CLIP4: variants seen among roughly 807,000 people sequenced by gnomAD.
CLIP4 encodes CAP-Gly domain-containing linker protein 4.
In CLIP4, 47 loss-of-function variants were observed where a neutral mutation model predicts 73.1. The ratio of observed to expected loss-of-function variants is 0.64; its 90% confidence interval spans 0.51 to 0.82. CLIP4 has a LOEUF of 0.82. CLIP4 is among the 40% of genes least tolerant of loss of function. The probability of loss-of-function intolerance (pLI) is 0.00; values close to 1 mark genes in which losing one functional copy is unlikely to be tolerated. For synonymous variants in CLIP4, 306 were observed against 295.4 expected (o/e 1.04, Z -0.37); for missense variants, 874 against 852.9 (o/e 1.02, Z -0.31).
At position 29,125,556 on chromosome 2, in the gene CLIP4, TCTTA is replaced by T. The variant is rs533430604; in HGVS notation, c.133+4040_133+4043del. On this transcript the variant is annotated intron_variant, in intron 2 of 15. Transcript: ENST00000320081. Reference sequence around the variant, plus strand: ...TCTCTTCAACTCAGCGAGTCCAGACTCTTACTTAGCTCTGTCTCCTCAACTCAGC... The same window carrying T: ...TCTCTTCAACTCAGCGAGTCCAGACTCTTAGCTCTGTCTCCTCAACTCAGC... Among the ~76,000 whole-genome samples, 619 of 152,200 alleles carry T rather than the reference TCTTA, an allele frequency of 4.1e-3. 2 individuals carry two copies. Among genetic ancestry groups the T allele is most frequent in the Non-Finnish European group, 6.1e-3 (414 of 67,998 alleles).
intron 14 of CLIP4, among the ~76,000 whole-genome samples, chr2:29,171,337 A>T (rs755064396): frequency 1.3e-5 from 2 of 152,136 alleles, no homozygotes; most frequent in Non-Finnish European, 2.9e-5. Context: ...ATACCTATGT[A>T]TTTAATTGTT....
At chr2:29,107,358 G>GTTTTTTTTTGTTTTTTTTTT (rs1558504865) in intron 1 of CLIP4, among the ~76,000 whole-genome samples, 1 of 65,352 alleles carries the variant, frequency 1.5e-5, no homozygotes, top group Non-Finnish European at 3.0e-5. Flanking sequence ...GAACATGATA[G>GTTTTTTTTTGTTTTTTTTTT]TTTTTTTTTT....
chr2:29,157,432 A>G (rs1216513873), intron 11 of CLIP4, 85 bp downstream of exon 11: 13 of 1,606,980 alleles, frequency 8.1e-6, no homozygotes, highest in Non-Finnish European at 1.1e-5. Flanking sequence ...TTAAATGTGT[A>G]GAAGGAACCC....
intron 12 of CLIP4, 103 bp downstream of exon 12, chr2:29,160,570 A>G (rs528721076): frequency 7.4e-7 from 1 of 1,342,396 alleles, no homozygotes; most frequent in African/African-American, 1.5e-5. Flanking sequence ...CTTGATGAAC[A>G]GTTTTTGTGG....
At chr2:29,103,026 G>A (rs1415590127) in intron 1 of CLIP4, among the ~76,000 whole-genome samples, 3 of 152,034 alleles carry the variant, frequency 2.0e-5, no homozygotes, top group Admixed American at 6.5e-5. Flanking sequence ...ATTTCAAGAT[G>A]TTCCCTCTCA....
upstream of CLIP4, among the ~76,000 whole-genome samples, chr2:29,111,162 G>T (rs75675840): frequency 6.6e-6 from 1 of 152,156 alleles, no homozygotes; most frequent in Non-Finnish European, 1.5e-5. Flanking sequence ...AGCACTGCCA[G>T]GTTGATCTGC....
chr2:29,107,628 C>G (rs1254440258), intron 1 of CLIP4, among the ~76,000 whole-genome samples: 1 of 151,854 alleles, frequency 6.6e-6, no homozygotes, highest in African/African-American at 2.4e-5. Flanking sequence ...CCTGCCTCAA[C>G]CTCCCAAAGT....
chr2:29,114,843 T>C (rs1357689030), upstream of CLIP4: 2 of 152,270 alleles, frequency 1.3e-5, no homozygotes, highest in Non-Finnish European at 2.9e-5. Flanking sequence ...ATGGTCTTAC[T>C]AGGTCTCCTC....
chr2:29,168,814 G>A (rs1014249972), intron 14 of CLIP4, among the ~76,000 whole-genome samples: 23 of 151,884 alleles, frequency 1.5e-4, no homozygotes, highest in African/African-American at 5.3e-4. Context: ...GAGCCACCAC[G>A]CCCAGCCTGC....
intron 1 of CLIP4, among the ~76,000 whole-genome samples, chr2:29,109,257 T>A (rs1330183215): frequency 1.3e-5 from 2 of 152,094 alleles, no homozygotes; most frequent in East Asian, 3.9e-4. Flanking sequence ...ATTTGGGGGG[T>A]GGCTGGTACC....
intron 15 of CLIP4, among the ~76,000 whole-genome samples, chr2:29,175,794 C>G (rs1351493839): frequency 1.3e-5 from 2 of 152,020 alleles, no homozygotes; most frequent in African/African-American, 4.8e-5. Flanking sequence ...CAGAGTCTTG[C>G]TCTGTCACCC....
At chr2:29,132,401 C>A in intron 4 of CLIP4, 156 bp downstream of exon 4, 1 of 629,690 alleles carries the variant, frequency 1.6e-6, no homozygotes. Flanking sequence ...CTTCCAAAAA[C>A]CATATTCCCT....
intron 1 of CLIP4, among the ~76,000 whole-genome samples, chr2:29,099,836 C>A (rs1199182063): frequency 5.9e-5 from 9 of 152,168 alleles, no homozygotes; most frequent in Admixed American, 5.9e-4. Context: ...CATGAAATAT[C>A]TCTCCATTTA....
chr2:29,098,547 T>A (rs1667945232), intron 1 of CLIP4, among the ~76,000 whole-genome samples: 1 of 152,248 alleles, frequency 6.6e-6, no homozygotes, highest in Non-Finnish European at 1.5e-5. Context: ...GATAGCTCAT[T>A]ACTTTGTATC....
chr2:29,131,185 T>G, intron 2 of CLIP4, 73 bp from the exon 3 acceptor site: 2 of 1,259,892 alleles, frequency 1.6e-6, no homozygotes, highest in Admixed American at 2.5e-5. Flanking sequence ...AACCTTGGTT[T>G]TATTGTTTAT....
chr2:29,130,099 A>G, intron 2 of CLIP4: 1 of 470,626 alleles, frequency 2.1e-6, no homozygotes, highest in Non-Finnish European at 4.4e-6. Flanking sequence ...ACACAGAAGG[A>G]GGAGAGCTCA....
chr2:29,153,187 G>A (rs1475529942), intron 9 of CLIP4, among the ~76,000 whole-genome samples: 1 of 152,054 alleles, frequency 6.6e-6, no homozygotes, highest in Non-Finnish European at 1.5e-5. Context: ...AAAAAGTCCT[G>A]ACTCGGGAAA....
At chr2:29,135,729 A>G in intron 6 of CLIP4, 63 bp downstream of exon 6, 1 of 1,186,960 alleles carries the variant, frequency 8.4e-7, no homozygotes, top group Non-Finnish European at 1.2e-6. Flanking sequence ...TTTCTGGTAA[A>G]ATGTTGAATC....
chr2:29,116,639 C>A (rs1251184883), intron 1 of CLIP4, among the ~76,000 whole-genome samples: 1 of 152,206 alleles, frequency 6.6e-6, no homozygotes, highest in East Asian at 1.9e-4. Flanking sequence ...CTGCTGGAGT[C>A]TAGTTGGTCT....
Sources: allele counts gnomAD v4.1 joint callset (sites outside exome capture counted in the v4.1 genomes callset), GRCh38; gene constraint gnomAD v4.1.1; transcripts MANE v1.5; gene names NCBI Gene and HGNC (gene_info 2026-07-23, HGNC 2026-07-21).